Variants in ZNF704 observed in about 807,000 individuals in gnomAD.
ZNF704 encodes zinc finger protein 704.
ZNF704 carries 10 observed loss-of-function variants against 44.7 expected under a neutral mutation model. The observed-to-expected ratio is 0.22, with a 90% confidence interval of 0.14 to 0.38. The LOEUF is 0.38. Ranked by LOEUF, ZNF704 falls within the 10% of genes least tolerant of loss-of-function variation. The pLI is 1.00. For missense variants in ZNF704, 390 were observed against 545.5 expected (o/e 0.71, Z 2.84); for synonymous variants, 211 against 207.6 (o/e 1.02, Z -0.14).
intron 2 of ZNF704, among the ~76,000 whole-genome samples, chr8:80,746,117 T>C (rs1230376948): frequency 1.3e-5 from 2 of 152,176 alleles, no homozygotes; most frequent in African/African-American, 4.8e-5. Context: ...TTTCAGGTAT[T>C]TACCCAAGCG....
chr8:80,786,183 T>G (rs767889208), intron 2 of ZNF704, among the ~76,000 whole-genome samples: 1 of 152,158 alleles, frequency 6.6e-6, no homozygotes, highest in African/African-American at 2.4e-5. Context: ...GGATCACTTA[T>G]GCCTGGGAGG....
At chr8:80,759,037 A>G (rs905519067) in intron 2 of ZNF704, among the ~76,000 whole-genome samples, 5 of 152,228 alleles carry the variant, frequency 3.3e-5, no homozygotes, top group Admixed American at 1.3e-4. Context: ...CTGGTACACT[A>G]TACTGCTTCC....
In ZNF704 at chr8:80,632,730, T is replaced by C. The variant is rs1489537251; in HGVS notation, c.*8636A>G. 1 of 152,194 alleles carries C rather than the reference T, an allele frequency of 6.6e-6. No homozygotes were observed. The highest frequency in any genetic ancestry group is 6.5e-5 in the Admixed American group (1 of 15,278). 9.4% of individuals were successfully genotyped at this position (152,194 alleles called of 1,614,324 possible). On this transcript the variant is annotated 3_prime_UTR_variant, in exon 9 of 9. Transcript: ENST00000327835. ...CTCTGCCTCCTTTCAAAATCTGTGG[T>C]TACCTGCTTTCGGAACCATAGCTTT...
rs1808394159 is a variant in ZNF704 at position 80,827,267 on chromosome 8, C to G, written c.-21-5652G>C. Among the ~76,000 whole-genome samples the G allele has an allele frequency of 3.3e-5, 5 of 152,246 alleles. No homozygotes were observed. In the South Asian group the frequency reaches 1.0e-3, roughly 32 times the overall value. ...TCAATGTGCAAAAATCACAAGCATT[C>G]CTATACACCAATAACAGACAAACAG... is the stretch of plus-strand genomic sequence containing the variant. On this transcript the variant is annotated intron_variant, in intron 1 of 8. Coordinates refer to ENST00000327835, the MANE Select transcript of ZNF704 (RefSeq NM_001033723.3).
chr8:80,847,981 A>C (rs1808794502), intron 1 of ZNF704, among the ~76,000 whole-genome samples: 1 of 152,236 alleles, frequency 6.6e-6, no homozygotes, highest in African/African-American at 2.4e-5. Context: ...TGTATACATG[A>C]ATGTTCATCA....
At chr8:80,749,608 A>G (rs1423056973) in intron 2 of ZNF704, 3 of 153,282 alleles carry the variant, frequency 2.0e-5, no homozygotes, top group African/African-American at 7.2e-5. Context: ...ACCAAAAATT[A>G]CGCTTCCAAA....
chr8:80,738,867 A>G (rs1395349426), intron 2 of ZNF704, among the ~76,000 whole-genome samples: 1 of 152,152 alleles, frequency 6.6e-6, no homozygotes, highest in Non-Finnish European at 1.5e-5. Flanking sequence ...AATGTCTATC[A>G]TGGGATGCCA....
intron 2 of ZNF704, among the ~76,000 whole-genome samples, chr8:80,789,391 T>C (rs1030830068): frequency 1.3e-5 from 2 of 152,150 alleles, no homozygotes; most frequent in African/African-American, 4.8e-5. Context: ...TATGAGGTAT[T>C]GTAATGTGCT....
intron 2 of ZNF704, among the ~76,000 whole-genome samples, chr8:80,720,887 C>T (rs1289292712): frequency 6.6e-6 from 1 of 152,220 alleles, no homozygotes; most frequent in Non-Finnish European, 1.5e-5. Context: ...GTCACTCAGC[C>T]AACAGGCAGC....
chr8:80,871,144 C>T (rs1273524580), intron 1 of ZNF704, among the ~76,000 whole-genome samples: 5 of 152,204 alleles, frequency 3.3e-5, no homozygotes, highest in Non-Finnish European at 5.9e-5. Context: ...GTGACAGCCA[C>T]CCAACTGGCC....
intron 2 of ZNF704, among the ~76,000 whole-genome samples, chr8:80,719,130 T>C (rs1039837736): frequency 2.6e-5 from 4 of 152,104 alleles, no homozygotes; most frequent in African/African-American, 9.7e-5. Context: ...CATGACCAGC[T>C]AATTTTTTAA....
intron 8 of ZNF704, 84 bp from the exon 9 acceptor site, chr8:80,641,561 TGA>T (rs1817743924): frequency 1.8e-6 from 1 of 541,866 alleles, no homozygotes; most frequent in Non-Finnish European, 2.6e-6. Context: ...CTTGCAAGAG[TGA>T]GGGAGGAAAA....
At chr8:80,788,456 A>C (rs1209170530) in intron 2 of ZNF704, among the ~76,000 whole-genome samples, 3 of 152,214 alleles carry the variant, frequency 2.0e-5, no homozygotes, top group African/African-American at 7.2e-5. Flanking sequence ...TATATCTCCT[A>C]GGTGATAAAA....
intron 2 of ZNF704, among the ~76,000 whole-genome samples, chr8:80,770,394 T>C (rs1405209658): frequency 2.6e-5 from 4 of 152,196 alleles, no homozygotes; most frequent in South Asian, 2.1e-4. Context: ...TTAATAGATA[T>C]GTAGTGACAG....
chr8:80,642,609 T>C (rs764328478), intron 8 of ZNF704, among the ~76,000 whole-genome samples: 7 of 152,188 alleles, frequency 4.6e-5, no homozygotes, highest in South Asian at 2.1e-4. Context: ...TGGACCACAA[T>C]TGACTTTGGG....
At position 80,640,013 on chromosome 8, in the gene ZNF704, A is replaced by G. The variant is rs1817718754; in HGVS notation, c.*1353T>C. ...CCCCACACCACTATCCCCCAAACAA[A>G]CAAGCAAGTAAGTTACGAAGCCCAA... On this transcript the variant is annotated 3_prime_UTR_variant, in exon 9 of 9. Coordinates refer to ENST00000327835, the MANE Select transcript of ZNF704 (RefSeq NM_001033723.3). The G allele has an allele frequency of 6.6e-6, 1 of 152,564 alleles. No individual in the cohort carries two copies. Among genetic ancestry groups the G allele is most frequent in the Non-Finnish European group, 1.5e-5 (1 of 68,038 alleles). 9.5% of individuals were successfully genotyped at this position (152,564 alleles called of 1,614,324 possible).
intron 4 of ZNF704, among the ~76,000 whole-genome samples, chr8:80,685,734 A>G (rs1818524129): frequency 6.6e-6 from 1 of 152,216 alleles, no homozygotes; most frequent in Admixed American, 6.5e-5. Flanking sequence ...CAAAAATGTC[A>G]GCCTTTTTCA....
intron 2 of ZNF704, among the ~76,000 whole-genome samples, chr8:80,739,853 G>A (rs1018471070): frequency 1.3e-5 from 2 of 152,104 alleles, no homozygotes; most frequent in Non-Finnish European, 2.9e-5. Context: ...TATGTCAAGG[G>A]AATCACTGGA....
intron 2 of ZNF704, among the ~76,000 whole-genome samples, chr8:80,803,749 A>G (rs1171058050): frequency 6.6e-6 from 1 of 152,222 alleles, no homozygotes; most frequent in Admixed American, 6.5e-5. Context: ...AATCTAGGCA[A>G]TAACATTCAG....
Sources: allele counts gnomAD v4.1 joint callset (sites outside exome capture counted in the v4.1 genomes callset), GRCh38; gene constraint gnomAD v4.1.1; transcripts MANE v1.5; gene names NCBI Gene and HGNC (gene_info 2026-07-23, HGNC 2026-07-21).